CLSPN: variants seen among roughly 807,000 people sequenced by gnomAD.
The protein encoded by CLSPN is claspin homolog.
CLSPN carries 85 observed loss-of-function variants against 156.3 expected under a neutral mutation model. The observed-to-expected ratio is 0.54, with a 90% CI of 0.46 to 0.65. The LOEUF is 0.65. CLSPN is among the 30% of genes least tolerant of loss of function. The probability of loss-of-function intolerance (pLI) is 0.00; values close to 1 mark genes in which losing one functional copy is unlikely to be tolerated. For missense variants in CLSPN, 1,407 were observed against 1,554.9 expected (o/e 0.90, Z 1.60); for synonymous variants, 534 against 542.4 (o/e 0.98, Z 0.22).
intron 1 of CLSPN, among the ~76,000 whole-genome samples, chr1:35,767,423 A>G (rs1331223972): frequency 6.6e-6 from 1 of 152,226 alleles, no homozygotes; most frequent in Non-Finnish European, 1.5e-5. Context: ...CTGTATGAAT[A>G]AAACAAGATT....
In CLSPN at chr1:35,764,282, T is replaced by G. The variant is rs1311980423; in HGVS notation, c.566A>C (p.Lys189Thr). ...AAAATGTACCTGGTTTTTTGTTTCCTTCTTTTTTAGCTGTCTAATTTTTTC... is the reference window on the plus strand; with the variant it reads ...AAAATGTACCTGGTTTTTTGTTTCCGTCTTTTTTAGCTGTCTAATTTTTTC... ...KMEKIRQLKKKETKNQEDDVE... is the reference protein window; with the variant it reads ...KMEKIRQLKKTETKNQEDDVE... Residue 189 changes from lysine (K) to threonine (T), a missense_variant, in exon 3 of 25, where the codon AAG becomes ACG. Lys to Thr is a moderately conservative substitution (Grantham distance 78, BLOSUM62 -1). Transcript: ENST00000318121. 1.9e-6 allele frequency: 3 copies of G among 1,566,350 alleles called. No individual in the cohort carries two copies. Among genetic ancestry groups the G allele is most frequent in the Non-Finnish European group, 2.6e-6 (3 of 1,163,828 alleles).
intron 16 of CLSPN, 29 bp downstream of exon 16, chr1:35,745,422 T>A (rs767731165): frequency 1.3e-6 from 2 of 1,487,318 alleles, no homozygotes; most frequent in African/African-American, 1.4e-5. Flanking sequence ...GGCCAGGCCT[T>A]CCCAAATTCC....
downstream of CLSPN, among the ~76,000 whole-genome samples, chr1:35,728,290 C>T (rs1641239463): frequency 6.6e-6 from 1 of 151,990 alleles, no homozygotes; most frequent in Non-Finnish European, 1.5e-5. Flanking sequence ...CCATTTTGCC[C>T]AGGCTGGTCT....
intron 16 of CLSPN, among the ~76,000 whole-genome samples, chr1:35,744,338 G>A (rs191109036): frequency 1.2e-4 from 19 of 152,194 alleles, no homozygotes; most frequent in Admixed American, 1.2e-3. Context: ...ACAGGGTCTT[G>A]CTCTGATGCC....
At position 35,739,476 on chromosome 1, in the gene CLSPN, C is replaced by G; in HGVS notation, c.3197G>C (p.Gly1066Ala). The change falls in exon 19 of 25, where the codon GGA (glycine) becomes GCA (alanine). Residue 1066 changes from glycine to alanine, a missense_variant. Gly to Ala is a moderately conservative substitution (Grantham distance 60). Around this residue, in one of 3 missense-constraint regions of CLSPN, gnomAD observed 70 missense variants for 121.5 expected, o/e 0.58. Coordinates refer to ENST00000318121, the MANE Select transcript of CLSPN (RefSeq NM_022111.4). Reference sequence around the variant, plus strand: ...TTCCCCATCATACTCATCTTCGCTTCCCACATCACTTCCTGACACCTCTGC... The same window carrying G: ...TTCCCCATCATACTCATCTTCGCTTGCCACATCACTTCCTGACACCTCTGC... ...DEAEVSGSDV[G>A]SEDEYDGEEI... 1.9e-6 allele frequency: 3 copies of G among 1,614,068 alleles called. No homozygotes were observed. The highest frequency in any genetic ancestry group is 1.7e-6 in the Non-Finnish European group (2 of 1,179,976).
At chr1:35,761,416 T>C (rs1220091012) in intron 6 of CLSPN, among the ~76,000 whole-genome samples, 1 of 152,206 alleles carries the variant, frequency 6.6e-6, no homozygotes, top group African/African-American at 2.4e-5. Context: ...GGAAGTTTTT[T>C]AGAAATACAG....
At chr1:35,753,499 T>A (rs1642163680) in intron 9 of CLSPN, among the ~76,000 whole-genome samples, 1 of 152,010 alleles carries the variant, frequency 6.6e-6, no homozygotes, top group Non-Finnish European at 1.5e-5. Flanking sequence ...TTTCATTTAT[T>A]CTATATATTT....
chr1:35,735,914 T>C lies in CLSPN; in HGVS notation c.*582A>G, dbSNP rs1557498416. The C allele has an allele frequency of 6.1e-6, 6 of 985,268 alleles. No homozygotes were observed. The highest frequency in any genetic ancestry group is 6.0e-6 in the Non-Finnish European group (5 of 829,914). The allele number at this position is 985,268 out of a possible 1,614,324, so 61.0% of individuals were successfully genotyped here. On this transcript the variant is annotated 3_prime_UTR_variant, in exon 25 of 25. Transcript: ENST00000318121. ...CTACAATAAAATGTCAAATGTCTAA[T>C]GGAGGAAGTGAAACCTAACCCAAGG... is the stretch of plus-strand genomic sequence containing the variant.
intron 8 of CLSPN, among the ~76,000 whole-genome samples, chr1:35,755,653 C>T (rs1642249178): frequency 6.6e-6 from 1 of 152,064 alleles, no homozygotes. Context: ...ATGATCCACC[C>T]TCCTCAGCCT....
intron 6 of CLSPN, among the ~76,000 whole-genome samples, chr1:35,761,626 A>G (rs1642480013): frequency 6.6e-6 from 1 of 152,184 alleles, no homozygotes; most frequent in Non-Finnish European, 1.5e-5. Flanking sequence ...CAGGCAGGTA[A>G]TGTATACAGC....
intron 8 of CLSPN, 75 bp downstream of exon 8, chr1:35,760,266 TC>T: frequency 8.6e-7 from 1 of 1,164,988 alleles, no homozygotes; most frequent in Non-Finnish European, 1.2e-6. Flanking sequence ...GTGTTCTCTG[TC>T]CTCGACAGTA....
Position 35,769,841 on chromosome 1 carries a change from A to G in CLSPN, c.24+6T>C. On this transcript the variant is annotated splice_donor_region_variant and intron_variant, in intron 1 of 24. Coordinates refer to ENST00000318121, the MANE Select transcript of CLSPN (RefSeq NM_022111.4). The stretch of plus-strand genomic sequence containing the variant: ...GCCCCCGTGGGGGGCGTGTGCATAA[A>G]CTCACCTCAGAACCCACCTCGCCTG... 6.3e-7 allele frequency: 1 copy of G among 1,597,792 alleles called. No individual in the cohort carries two copies. The highest frequency in any genetic ancestry group is 8.5e-7 in the Non-Finnish European group (1 of 1,171,850).
chr1:35,733,807 G>T lies in CLSPN; in HGVS notation c.*2689C>A. ...AGCTGGGGCAACACAGCAAGACCCT[G>T]TCTCTACTAAAATAAAATAATTAGC... is the stretch of plus-strand genomic sequence containing the variant. On this transcript the variant is annotated 3_prime_UTR_variant, in exon 25 of 25. Coordinates refer to ENST00000318121, the MANE Select transcript of CLSPN (RefSeq NM_022111.4). The T allele has an allele frequency of 1.7e-6, 1 of 579,380 alleles. No individual in the cohort carries two copies. Among genetic ancestry groups the T allele is most frequent in the Non-Finnish European group, 2.2e-6 (1 of 460,210 alleles). The allele number at this position is 579,380 out of a possible 1,614,324, so 35.9% of individuals were successfully genotyped here. A position where few individuals can be genotyped will look rare whatever the true frequency, so the allele number is the denominator to read the frequency against.
Position 35,764,647 on chromosome 1 carries a change from G to A in CLSPN, c.201C>T (p.Ser67=), listed in dbSNP as rs150072993. The change falls in exon 3 of 25, where the codon TCC becomes TCT. Residue 67 remains serine, a synonymous_variant. Coordinates refer to ENST00000318121, the MANE Select transcript of CLSPN (RefSeq NM_022111.4). The part of the protein sequence containing the change: ...KNRKVLQDSD[S]ETEDTNASPE... ...GAGAGGCATTTGTGTCCTCTGTTTC[G>A]GAATCACTGTCTTGTAGAACCTTCC... is the stretch of plus-strand genomic sequence containing the variant. The A allele has an allele frequency of 1.4e-5, 22 of 1,611,156 alleles. No individual in the cohort carries two copies. The highest frequency in any genetic ancestry group is 1.2e-4 in the African/African-American group (9 of 74,576).
intron 8 of CLSPN, among the ~76,000 whole-genome samples, chr1:35,758,838 C>T (rs1642380466): frequency 7.1e-6 from 1 of 140,990 alleles, no homozygotes; most frequent in Non-Finnish European, 1.5e-5. Context: ...TCATATGCTG[C>T]CCAGGATGGC....
chr1:35,754,571 T>A (rs1358061220), intron 8 of CLSPN, among the ~76,000 whole-genome samples: 3 of 152,180 alleles, frequency 2.0e-5, no homozygotes, highest in African/African-American at 7.2e-5. Flanking sequence ...GGTCTCGAAC[T>A]CCTGACCTCA....
At chr1:35,757,099 G>A (rs533839400) in intron 8 of CLSPN, among the ~76,000 whole-genome samples, 3 of 152,224 alleles carry the variant, frequency 2.0e-5, no homozygotes, top group East Asian at 3.9e-4. Context: ...TCACCTCTCT[G>A]CCTTGGTATC....
Position 35,726,136 on chromosome 1 carries a change from T to C in CLSPN, c.3910-5156A>G, listed in dbSNP as rs562537189. Among the ~76,000 whole-genome samples the C allele has an allele frequency of 8.9e-5, 5 of 56,430 alleles. No individual in the cohort carries two copies. The East Asian group carries it at 1.8e-3, about 20-fold the overall frequency. The allele number at this position is 56,430 out of a possible 152,430, so 37.0% of individuals were successfully genotyped here. On this transcript the variant is annotated intron_variant, in intron 24 of 24. Transcript: ENST00000251195. ...TGGCCAGGTTTTCCTCACACACCCATAGAAACAGATGCAGACAAAAAAAAA... is the reference window on the plus strand; with the variant it reads ...TGGCCAGGTTTTCCTCACACACCCACAGAAACAGATGCAGACAAAAAAAAA...
intron 1 of CLSPN, among the ~76,000 whole-genome samples, chr1:35,765,994 C>CTCTCTCTCTCTT (rs60908491): frequency 9.4e-6 from 1 of 106,484 alleles, no homozygotes; most frequent in Non-Finnish European, 1.7e-5. Context: ...CTCTCTCTCT[C>CTCTCTCTCTCTT]TTTTTTTTTT....
Sources: allele counts gnomAD v4.1 joint callset (sites outside exome capture counted in the v4.1 genomes callset), GRCh38; gene constraint gnomAD v4.1.1; regional missense constraint gnomAD v4.1.1; transcripts MANE v1.5; gene names NCBI Gene and HGNC (gene_info 2026-07-23, HGNC 2026-07-21).